HS6ST3: variants seen among roughly 807,000 people sequenced by gnomAD.
HS6ST3 encodes heparan-sulfate 6-O-sulfotransferase 3.
A neutral mutation model predicts 36.7 loss-of-function variants in HS6ST3; 12 were observed. That is an observed-to-expected ratio of 0.33 (90% CI 0.21 to 0.53). HS6ST3 has a LOEUF of 0.53. Among genes scored for constraint, HS6ST3 ranks in the 20% least tolerant of loss-of-function variants. The pLI is 0.95. For synonymous variants in HS6ST3, 240 were observed against 257.5 expected (o/e 0.93, Z 0.65); for missense variants, 584 against 640.9 (o/e 0.91, Z 0.96).
At chr13:96,160,306 T>A (rs996403915) in intron 1 of HS6ST3, among the ~76,000 whole-genome samples, 2 of 152,246 alleles carry the variant, frequency 1.3e-5, no homozygotes, top group African/African-American at 4.8e-5. Context: ...CACCTAGAAA[T>A]CATTATGCTG....
chr13:96,165,066 C>A (rs2139330988), intron 1 of HS6ST3, among the ~76,000 whole-genome samples: 1 of 152,196 alleles, frequency 6.6e-6, no homozygotes, highest in African/African-American at 2.4e-5. Context: ...TTTACTATTT[C>A]ATACCTCTTA....
At chr13:96,832,404 C>T in intron 1 of HS6ST3, 86 bp from the exon 2 acceptor site, 2 of 989,680 alleles carry the variant, frequency 2.0e-6, no homozygotes, top group South Asian at 3.5e-5. Flanking sequence ...AGTCCCTTGA[C>T]TCAATGCCGA....
chr13:96,639,531 A>T (rs2056562648), intron 1 of HS6ST3, among the ~76,000 whole-genome samples: 2 of 150,664 alleles, frequency 1.3e-5, no homozygotes, highest in East Asian at 3.9e-4. Context: ...TAAACTCAAA[A>T]GAGATTTAAA....
chr13:96,658,954 G>A (rs988577759), intron 1 of HS6ST3, among the ~76,000 whole-genome samples: 1 of 151,902 alleles, frequency 6.6e-6, no homozygotes, highest in Non-Finnish European at 1.5e-5. Context: ...GTAATCCACC[G>A]CCTCTGCCTC....
chr13:96,386,179 C>A (rs576349915), intron 1 of HS6ST3, among the ~76,000 whole-genome samples: 1 of 152,292 alleles, frequency 6.6e-6, no homozygotes, highest in African/African-American at 2.4e-5. Context: ...CCCTCAGGGG[C>A]GAAGCAACAA....
intron 1 of HS6ST3, among the ~76,000 whole-genome samples, chr13:96,617,269 C>T (rs2056478033): frequency 6.6e-6 from 1 of 152,126 alleles, no homozygotes; most frequent in East Asian, 1.9e-4. Flanking sequence ...TTCCTTTAGT[C>T]TCTTAGTTTT....
chr13:96,125,022 T>A (rs2053943808), intron 1 of HS6ST3, among the ~76,000 whole-genome samples: 2 of 152,144 alleles, frequency 1.3e-5, no homozygotes, highest in African/African-American at 4.8e-5. Context: ...TTTTAGATGT[T>A]GAAATTTAGT....
chr13:96,757,791 A>C (rs1040748794), intron 1 of HS6ST3, among the ~76,000 whole-genome samples: 7 of 152,096 alleles, frequency 4.6e-5, no homozygotes, highest in African/African-American at 1.7e-4. Context: ...TCAACTATTA[A>C]ACCAATCTTC....
At chr13:96,703,667 G>T (rs1476053100) in intron 1 of HS6ST3, among the ~76,000 whole-genome samples, 1 of 152,096 alleles carries the variant, frequency 6.6e-6, no homozygotes, top group Non-Finnish European at 1.5e-5. Flanking sequence ...TTTTACAAAG[G>T]ATTCTAGATA....
intron 1 of HS6ST3, among the ~76,000 whole-genome samples, chr13:96,160,188 G>A (rs927125746): frequency 6.6e-5 from 10 of 152,198 alleles, no homozygotes; most frequent in African/African-American, 2.4e-4. Context: ...CACATTGTAT[G>A]TAAGGAAAAT....
At chr13:96,658,869 C>A (rs2056636429) in intron 1 of HS6ST3, among the ~76,000 whole-genome samples, 1 of 151,760 alleles carries the variant, frequency 6.6e-6, no homozygotes, top group South Asian at 2.1e-4. Context: ...CCACACCCAG[C>A]TAATTTTTTT....
intron 1 of HS6ST3, among the ~76,000 whole-genome samples, chr13:96,564,541 C>T (rs182845057): frequency 5.5e-4 from 84 of 152,180 alleles, no homozygotes; most frequent in Admixed American, 2.2e-3. Flanking sequence ...ACTCTTAAAA[C>T]CATAGCAATA....
chr13:96,140,434 G>T (rs878898453), intron 1 of HS6ST3, among the ~76,000 whole-genome samples: 2 of 152,020 alleles, frequency 1.3e-5, no homozygotes, highest in Admixed American at 1.3e-4. Context: ...CTCGGTTCTG[G>T]TATATTTTTC....
chr13:96,783,014 A>G (rs1238872267), intron 1 of HS6ST3, among the ~76,000 whole-genome samples: 4 of 152,196 alleles, frequency 2.6e-5, no homozygotes, highest in African/African-American at 9.7e-5. Flanking sequence ...ATAATTCACA[A>G]ATAAGTTGAG....
chr13:96,719,013 G>A (rs893251159), intron 1 of HS6ST3, among the ~76,000 whole-genome samples: 8 of 152,236 alleles, frequency 5.3e-5, no homozygotes, highest in African/African-American at 1.4e-4. Context: ...GGTGGCTGAC[G>A]CCTGTAATCC....
chr13:96,757,404 T>A (rs1876858470), intron 1 of HS6ST3, among the ~76,000 whole-genome samples: 1 of 152,244 alleles, frequency 6.6e-6, no homozygotes, highest in South Asian at 2.1e-4. Flanking sequence ...GGTCTGTAGA[T>A]CACTTTGGCA....
chr13:96,484,342 A>G (rs9513152), intron 1 of HS6ST3, among the ~76,000 whole-genome samples: 149,274 of 152,194 alleles, frequency 0.98, 73,265 homozygotes, highest in Middle Eastern at 1. Context: ...CATAATCAAT[A>G]TGTGCACATT....
At chr13:96,801,874 A>T (rs944433514) in intron 1 of HS6ST3, among the ~76,000 whole-genome samples, 1 of 152,194 alleles carries the variant, frequency 6.6e-6, no homozygotes, top group East Asian at 1.9e-4. Flanking sequence ...TCATAATGGG[A>T]TTTATCATCT....
chr13:96,353,745 C>CT (rs766625805), intron 1 of HS6ST3, among the ~76,000 whole-genome samples: 18 of 151,942 alleles, frequency 1.2e-4, no homozygotes, highest in South Asian at 2.1e-4. Context: ...ATAAAGAGTT[C>CT]TTTTAAAATC....
Sources: allele counts gnomAD v4.1 joint callset (sites outside exome capture counted in the v4.1 genomes callset), GRCh38; gene constraint gnomAD v4.1.1; transcripts MANE v1.5; gene names NCBI Gene and HGNC (gene_info 2026-07-23, HGNC 2026-07-21).